SPATS2: variants seen among roughly 807,000 people sequenced by gnomAD.
SPATS2 encodes the protein spermatogenesis-associated serine-rich protein 2.
Under a neutral mutation model 63.7 loss-of-function variants are expected in SPATS2, and 38 were observed. The observed-to-expected ratio is 0.60, with a 90% CI of 0.46 to 0.78. The LOEUF (loss-of-function observed/expected upper bound fraction) is 0.78. SPATS2 is among the 30% of genes least tolerant of loss of function. The pLI, the probability that SPATS2 is intolerant of heterozygous loss-of-function variation, is 0.00. For missense variants in SPATS2, 588 were observed against 666.2 expected, an observed-to-expected ratio of 0.88 and a Z score of 1.29; for synonymous variants, 207 against 232.9, an observed-to-expected ratio of 0.89 and a Z score of 1.01.
At chr12:49,415,722 G>C (rs145974805) in intron 2 of SPATS2, among the ~76,000 whole-genome samples, 500 of 152,206 alleles carry the variant, frequency 3.3e-3, no homozygotes, top group Middle Eastern at 0.01. Flanking sequence ...ACCTTTTTCT[G>C]TAAAGGGCCA....
At chr12:49,483,165 A>C (rs1399600453) in intron 3 of SPATS2, among the ~76,000 whole-genome samples, 1 of 148,412 alleles carries the variant, frequency 6.7e-6, no homozygotes, top group African/African-American at 2.5e-5. Flanking sequence ...AGAGCTAGAT[A>C]AGAGGCTAGT....
At chr12:49,438,963 CAAT>C (rs1945366866) in intron 2 of SPATS2, among the ~76,000 whole-genome samples, 1 of 151,550 alleles carries the variant, frequency 6.6e-6, no homozygotes, top group African/African-American at 2.4e-5. Flanking sequence ...GGGAGATAGA[CAAT>C]AAATAAATAC....
chr12:49,444,300 C>G (rs1392987144), intron 2 of SPATS2, among the ~76,000 whole-genome samples: 1 of 151,526 alleles, frequency 6.6e-6, no homozygotes, highest in Non-Finnish European at 1.5e-5. Flanking sequence ...CAGCCTCAAA[C>G]TCCTGGGCTC....
At chr12:49,367,390 G>A (rs1943916878), upstream of SPATS2, 3 of 396,658 alleles carry the variant, frequency 7.6e-6, no homozygotes, top group African/African-American at 4.1e-5. Context: ...TCCGGCCCAG[G>A]AGAGAAGTGG....
intron 6 of SPATS2, among the ~76,000 whole-genome samples, chr12:49,493,464 C>T (rs1444313776): frequency 6.7e-6 from 1 of 150,294 alleles, no homozygotes; most frequent in East Asian, 2.0e-4. Context: ...TGCAGTGGTG[C>T]AAGCTCAGCT....
chr12:49,423,132 T>TA (rs1228362909), intron 2 of SPATS2, among the ~76,000 whole-genome samples: 1 of 151,946 alleles, frequency 6.6e-6, no homozygotes, highest in Admixed American at 6.6e-5. Context: ...CTCTGGTTAA[T>TA]ACTGTTTTTG....
rs186012217 is a variant in SPATS2 at position 49,440,797 on chromosome 12, T to C, written c.-243-19973T>C. On this transcript the variant is annotated intron_variant, in intron 2 of 13. Transcript: ENST00000552918. ...TTTTTAATAAATACAGGCCAGTTGT[T>C]GGCAGATTGTCCTTCAATTTGTTTG... is the stretch of plus-strand genomic sequence containing the variant. 7.2e-5 allele frequency among the ~76,000 whole-genome samples: 11 copies of C among 152,304 alleles called. 1 individual carries two copies. The East Asian group carries it at 2.1e-3, about 29-fold the overall frequency.
chr12:49,464,680 G>A (rs576915048), intron 3 of SPATS2, among the ~76,000 whole-genome samples: 91 of 146,560 alleles, frequency 6.2e-4, no homozygotes, highest in African/African-American at 2.0e-3. Context: ...AAAAAAATTA[G>A]CCAATTATAC....
chr12:49,455,044 A>G (rs1032582128), intron 2 of SPATS2, among the ~76,000 whole-genome samples: 3 of 152,158 alleles, frequency 2.0e-5, no homozygotes, highest in Non-Finnish European at 2.9e-5. Flanking sequence ...TAGCGTTGAT[A>G]CGATTTCATA....
At chr12:49,450,323 C>T (rs1293505722) in intron 2 of SPATS2, among the ~76,000 whole-genome samples, 8 of 151,950 alleles carry the variant, frequency 5.3e-5, no homozygotes, top group Admixed American at 4.6e-4. Context: ...CATATCGGCT[C>T]ACTGCAAGCT....
chr12:49,517,833 T>C (rs541626446), intron 10 of SPATS2, among the ~76,000 whole-genome samples: 2 of 152,208 alleles, frequency 1.3e-5, no homozygotes, highest in African/African-American at 2.4e-5. Flanking sequence ...GATTTTTTTT[T>C]TACCCAATTA....
intron 2 of SPATS2, among the ~76,000 whole-genome samples, chr12:49,396,293 A>G (rs1402782593): frequency 1.3e-5 from 2 of 152,220 alleles, no homozygotes; most frequent in Admixed American, 1.3e-4. Flanking sequence ...TATGTTTTCC[A>G]TAGCAGCTGC....
chr12:49,457,009 T>C (rs1945731166), intron 2 of SPATS2, among the ~76,000 whole-genome samples: 1 of 152,146 alleles, frequency 6.6e-6, no homozygotes, highest in African/African-American at 2.4e-5. Context: ...TGACTTCTTA[T>C]TGGATCCATA....
chr12:49,501,464 C>T (rs888094416), intron 9 of SPATS2, among the ~76,000 whole-genome samples: 1 of 152,160 alleles, frequency 6.6e-6, no homozygotes, highest in African/African-American at 2.4e-5. Flanking sequence ...TTAAAGGTCC[C>T]ACCTCTCACC....
intron 2 of SPATS2, among the ~76,000 whole-genome samples, chr12:49,417,381 T>A (rs781103316): frequency 6.6e-6 from 1 of 152,190 alleles, no homozygotes; most frequent in Admixed American, 6.5e-5. Flanking sequence ...CTAAGGGAAA[T>A]TTTGAAAAGC....
intron 3 of SPATS2, among the ~76,000 whole-genome samples, chr12:49,472,344 A>C (rs954950110): frequency 6.6e-6 from 1 of 152,036 alleles, no homozygotes; most frequent in African/African-American, 2.4e-5. Flanking sequence ...AGACTTTAAA[A>C]ATAAAACATA....
chr12:49,392,939 C>T (rs1174506665), intron 2 of SPATS2, among the ~76,000 whole-genome samples: 1 of 152,018 alleles, frequency 6.6e-6, no homozygotes, highest in African/African-American at 2.4e-5. Flanking sequence ...ATAATCCCAG[C>T]TACTTGGGAG....
chr12:49,415,561 C>T (rs1418737048), intron 2 of SPATS2, among the ~76,000 whole-genome samples: 1 of 152,116 alleles, frequency 6.6e-6, no homozygotes, highest in Non-Finnish European at 1.5e-5. Context: ...TGGAAATCTC[C>T]TTATCTAGTC....
At chr12:49,440,625 C>T (rs377001635) in intron 2 of SPATS2, among the ~76,000 whole-genome samples, 1 of 152,064 alleles carries the variant, frequency 6.6e-6, no homozygotes, top group Non-Finnish European at 1.5e-5. Context: ...CACACCACCA[C>T]GGCCAGCTAA....
Sources: gnomAD v4.1 joint callset for allele counts (sites outside exome capture counted in the v4.1 genomes callset) on GRCh38, gnomAD v4.1.1 for gene constraint, MANE v1.5 for transcripts, NCBI Gene and HGNC (gene_info 2026-07-23, HGNC 2026-07-21) for gene names.